LRMDA: variants seen among roughly 807,000 people sequenced by gnomAD.
The protein encoded by LRMDA is leucine rich melanocyte differentiation associated.
In LRMDA, 18 loss-of-function variants were observed where a neutral mutation model predicts 29.8. The ratio of observed to expected loss-of-function variants is 0.60; its 90% CI spans 0.42 to 0.90. The LOEUF (loss-of-function observed/expected upper bound fraction) is 0.90. Ranked by LOEUF, LRMDA falls within the 40% of genes least tolerant of loss-of-function variation. The pLI, the probability that LRMDA is intolerant of heterozygous loss-of-function variation, is 0.00. For missense variants in LRMDA, 273 were observed against 273.9 expected (o/e 1.00, Z 0.02); for synonymous variants, 125 against 109.4 (o/e 1.14, Z -0.89).
chr10:76,367,445 G>A (rs541088751), intron 6 of LRMDA, among the ~76,000 whole-genome samples: 3 of 149,354 alleles, frequency 2.0e-5, no homozygotes, highest in African/African-American at 7.4e-5. Flanking sequence ...TTTTTTTGAG[G>A]TGGAGTTTTG....
intron 5 of LRMDA, among the ~76,000 whole-genome samples, chr10:76,189,483 T>A (rs751022332): frequency 6.6e-6 from 1 of 152,202 alleles, no homozygotes; most frequent in African/African-American, 2.4e-5. Flanking sequence ...TGTTTTTGTG[T>A]TCCCCACTGA....
At chr10:75,616,230 ATAGTAGCAG>A (rs1841096099) in intron 2 of LRMDA, among the ~76,000 whole-genome samples, 2 of 149,320 alleles carry the variant, frequency 1.3e-5, no homozygotes, top group Admixed American at 1.3e-4. Context: ...GAGAACAGTA[ATAGTAGCAG>A]TAGCAGCAGT....
intron 5 of LRMDA, among the ~76,000 whole-genome samples, chr10:76,232,770 G>T (rs186400574): frequency 2.1e-3 from 318 of 152,308 alleles, no homozygotes; most frequent in Non-Finnish European, 4.0e-3. Flanking sequence ...TATTGGTGAT[G>T]AAACAGCTTT....
chr10:76,010,577 G>T (rs1847761679), intron 2 of LRMDA, among the ~76,000 whole-genome samples: 1 of 152,180 alleles, frequency 6.6e-6, no homozygotes, highest in Non-Finnish European at 1.5e-5. Context: ...CTCCCAAAGT[G>T]CTGGGATTAC....
chr10:75,540,317 T>C (rs1447071031), intron 2 of LRMDA, among the ~76,000 whole-genome samples: 1 of 152,206 alleles, frequency 6.6e-6, no homozygotes, highest in Admixed American at 6.5e-5. Flanking sequence ...AAGCTTGGCA[T>C]GTTTGAGTAA....
intron 2 of LRMDA, among the ~76,000 whole-genome samples, chr10:75,562,432 C>T (rs4609542): frequency 0.61 from 92,839 of 151,832 alleles, 31,478 homozygotes; most frequent in East Asian, 0.85. Context: ...TGTCTCTGCA[C>T]GTGAGATGGG....
At chr10:76,248,741 A>G (rs575230039) in intron 5 of LRMDA, among the ~76,000 whole-genome samples, 1 of 151,184 alleles carries the variant, frequency 6.6e-6, no homozygotes, top group Admixed American at 6.5e-5. Context: ...TGGGAGAGGA[A>G]CATCTCTATC....
intron 6 of LRMDA, among the ~76,000 whole-genome samples, chr10:76,449,933 T>C (rs766956436): frequency 7.9e-5 from 12 of 152,058 alleles, no homozygotes; most frequent in Non-Finnish European, 1.6e-4. Context: ...TTTTCCAGAC[T>C]TTGAATTTAA....
chr10:75,709,325 A>G (rs765589807), intron 2 of LRMDA, among the ~76,000 whole-genome samples: 33 of 152,152 alleles, frequency 2.2e-4, no homozygotes, highest in Non-Finnish European at 3.5e-4. Context: ...GCATGAGGGT[A>G]TGATGTGTGC....
intron 2 of LRMDA, among the ~76,000 whole-genome samples, chr10:75,558,097 A>T (rs1840238068): frequency 6.6e-6 from 1 of 151,506 alleles, no homozygotes; most frequent in Admixed American, 6.6e-5. Context: ...CAGAGAAAGG[A>T]TTGGGAAATG....
chr10:76,402,254 C>G (rs949732987), intron 6 of LRMDA: 1 of 152,220 alleles, frequency 6.6e-6, no homozygotes, highest in Non-Finnish European at 1.5e-5. Context: ...TAGCCAAGAG[C>G]TAGACACAAA....
intron 2 of LRMDA, among the ~76,000 whole-genome samples, chr10:75,853,037 T>G (rs914573688): frequency 6.6e-6 from 1 of 152,010 alleles, no homozygotes; most frequent in African/African-American, 2.4e-5. Flanking sequence ...CCATCAGATC[T>G]CATGAGAACT....
chr10:76,227,322 G>T (rs1851977426), intron 5 of LRMDA, among the ~76,000 whole-genome samples: 3 of 152,050 alleles, frequency 2.0e-5, no homozygotes, highest in Admixed American at 6.6e-5. Flanking sequence ...TTTATTTTAA[G>T]ATTTTTGATA....
intron 5 of LRMDA, among the ~76,000 whole-genome samples, chr10:76,231,838 A>G (rs1028137544): frequency 1.3e-5 from 2 of 152,190 alleles, no homozygotes; most frequent in African/African-American, 4.8e-5. Context: ...AAAATCTCAC[A>G]CACAGTTAGT....
At chr10:76,106,162 A>T (rs1173945341) in intron 5 of LRMDA, among the ~76,000 whole-genome samples, 1 of 152,244 alleles carries the variant, frequency 6.6e-6, no homozygotes, top group African/African-American at 2.4e-5. Context: ...AAGCCTTGTT[A>T]ACACTGATAT....
rs529689131 is a variant in LRMDA at position 75,981,697 on chromosome 10, C to T, written c.132-54311C>T. Among the ~76,000 whole-genome samples, 64 of 152,016 alleles carry T rather than the reference C, an allele frequency of 4.2e-4. 1 individual carries two copies. The South Asian group carries it at 0.01, about 24-fold the overall frequency. ...TGAAACCCCAGCTCTACTAAAAATA[C>T]GAACATTAGCTGGGAATGGTGGTGG... On this transcript the variant is annotated intron_variant, in intron 2 of 6. Transcript: ENST00000611255.
chr10:76,119,598 A>C (rs1428500913), intron 5 of LRMDA, among the ~76,000 whole-genome samples: 1 of 152,092 alleles, frequency 6.6e-6, no homozygotes, highest in Non-Finnish European at 1.5e-5. Context: ...TATTGTTCTC[A>C]CTTTCTGGGG....
intron 2 of LRMDA, among the ~76,000 whole-genome samples, chr10:75,672,529 C>T (rs12414283): frequency 0.67 from 18,544 of 27,758 alleles, 5,247 homozygotes; most frequent in South Asian, 0.7. Context: ...TCTTTTCCTC[C>T]CCTCCCCTCC....
chr10:76,193,454 G>A (rs113837606), intron 5 of LRMDA, among the ~76,000 whole-genome samples: 2,521 of 152,204 alleles, frequency 0.017, 40 homozygotes, highest in South Asian at 0.078. Context: ...AACAACTGGT[G>A]GTGTCATTTG....
Sources: gnomAD v4.1 joint callset for allele counts (sites outside exome capture counted in the v4.1 genomes callset) on GRCh38, gnomAD v4.1.1 for gene constraint, MANE v1.5 for transcripts, NCBI Gene and HGNC (gene_info 2026-07-23, HGNC 2026-07-21) for gene names.